The following ZNF813 variants were observed in gnomAD, a reference collection of about 807,000 sequenced individuals.
ZNF813 encodes zinc finger protein 813.
Under a neutral mutation model 7.2 loss-of-function variants are expected in ZNF813, and 3 were observed. The ratio of observed to expected loss-of-function variants is 0.42; its 90% CI spans 0.19 to 1.08. The LOEUF (loss-of-function observed/expected upper bound fraction) is 1.08. Among genes scored for constraint, ZNF813 ranks in the 50% least tolerant of loss-of-function variants. The pLI is 0.30. For missense variants in ZNF813, 714 were observed against 753.3 expected (o/e 0.95, Z 0.61); for synonymous variants, 227 against 256.3 (o/e 0.89, Z 1.09).
At chr19:53,469,737 AAGAAC>A (rs1381434172) in intron 1 of ZNF813, among the ~76,000 whole-genome samples, 1 of 146,856 alleles carries the variant, frequency 6.8e-6, no homozygotes, top group Non-Finnish European at 1.5e-5. Context: ...TGCTGGTGGC[AAGAAC>A]AGAGGGAGAA....
chr19:53,469,892 C>G (rs2617709), intron 1 of ZNF813, among the ~76,000 whole-genome samples: 20 of 151,440 alleles, frequency 1.3e-4, no homozygotes, highest in Admixed American at 2.6e-4. Flanking sequence ...AGAGAGACTG[C>G]TATGGGGGAG....
In ZNF813 at chr19:53,487,605, C is replaced by A. The variant is rs571137119; in HGVS notation, c.142+847C>A. 7.2e-5 allele frequency among the ~76,000 whole-genome samples: 11 copies of A among 151,954 alleles called. No homozygotes were observed. The East Asian group carries it at 2.1e-3, about 29-fold the overall frequency. On this transcript the variant is annotated intron_variant, in intron 3 of 3. Transcript: ENST00000396403. Reference sequence around the variant, plus strand: ...CTGAGGTCAGGAGTTCAAAACCAGTCTGGCTAACATGGCAAAACTCCATCT... The same window carrying A: ...CTGAGGTCAGGAGTTCAAAACCAGTATGGCTAACATGGCAAAACTCCATCT...
In ZNF813 at chr19:53,491,179, G is replaced by A; in HGVS notation, c.947G>A (p.Arg316Lys). The change falls in exon 4 of 4, where the codon AGA (arginine) becomes AAA (lysine). Residue 316 changes from arginine to lysine, a missense_variant. Arg to Lys is a conservative substitution (Grantham distance 26, BLOSUM62 2). Coordinates refer to ENST00000396403, the MANE Select transcript of ZNF813 (RefSeq NM_001004301.4). ...KAFSFKSNLKRHRRIHAGEKP... is the reference protein window; with the variant it reads ...KAFSFKSNLKKHRRIHAGEKP... ...TTCAGTTTCAAATCAAACCTTAAAA[G>A]ACATAGGAGAATTCATGCTGGAGAA... 1 of 1,613,772 alleles carries A rather than the reference G, an allele frequency of 6.2e-7. No homozygotes were observed. The highest frequency in any genetic ancestry group is 2.2e-5 in the East Asian group (1 of 44,876).
chr19:53,489,043 G>T (rs1181457477), intron 3 of ZNF813, among the ~76,000 whole-genome samples: 2 of 151,868 alleles, frequency 1.3e-5, no homozygotes, highest in Non-Finnish European at 2.9e-5. Context: ...TTTCACTGTT[G>T]TTGCCCAGGC....
At chr19:53,485,587 T>TGTATGTCATGATATATAC (rs571848662) in intron 2 of ZNF813, among the ~76,000 whole-genome samples, 52,493 of 139,684 alleles carry the variant, frequency 0.38, 9,245 homozygotes, top group Admixed American at 0.42. Context: ...TGTCATGACA[T>TGTATGTCATGATATATAC]ATGTATGTCA....
In ZNF813 at chr19:53,490,224, T is replaced by G. The variant is rs2086452543; in HGVS notation, c.143-151T>G. On this transcript the variant is annotated intron_variant, in intron 3 of 3. Coordinates refer to ENST00000396403, the MANE Select transcript of ZNF813 (RefSeq NM_001004301.4). ...GAAGCACATGTAATAGCCCTTTATC[T>G]AATAAAGAATCTTACGCTTTTGTGT... 30 of 922,774 alleles carry G rather than the reference T, an allele frequency of 3.3e-5. No homozygotes were observed. The South Asian group carries it at 3.4e-4, about 10-fold the overall frequency. 57.2% of individuals were successfully genotyped at this position (922,774 alleles called of 1,614,324 possible).
At chr19:53,481,040 T>C (rs1244275166) in intron 1 of ZNF813, among the ~76,000 whole-genome samples, 4 of 152,158 alleles carry the variant, frequency 2.6e-5, no homozygotes, top group Non-Finnish European at 5.9e-5. Context: ...TGGTAGGAAG[T>C]GGTGCATCAA....
At chr19:53,489,432 T>C (rs2086448953) in intron 3 of ZNF813, among the ~76,000 whole-genome samples, 1 of 151,952 alleles carries the variant, frequency 6.6e-6, no homozygotes, top group Admixed American at 6.6e-5. Flanking sequence ...TGAAACCCTC[T>C]ATCTACTAAA....
intron 1 of ZNF813, among the ~76,000 whole-genome samples, chr19:53,470,444 T>G (rs2617708): frequency 0.29 from 38,562 of 131,290 alleles, 6,278 homozygotes; most frequent in African/African-American, 0.35. Context: ...CACTATTACT[T>G]GATTATTCAT....
At chr19:53,482,706 C>CTTTTTTTTTTT (rs1568830690) in intron 1 of ZNF813, among the ~76,000 whole-genome samples, 13 of 91,488 alleles carry the variant, frequency 1.4e-4, no homozygotes, top group African/African-American at 4.7e-4. Context: ...ATCAGGAATG[C>CTTTTTTTTTTT]TTTTTGTTTT....
intron 1 of ZNF813, among the ~76,000 whole-genome samples, chr19:53,470,160 T>TCCTTCCTTCCTTCCTTCC (rs146034098): frequency 0.22 from 28,969 of 128,874 alleles, 3,303 homozygotes; most frequent in South Asian, 0.25. Context: ...TTTCTTTCTT[T>TCCTTCCTTCCTTCCTTCC]TTCTTTTCTT....
At chr19:53,469,202 T>C (rs544366413) in intron 1 of ZNF813, among the ~76,000 whole-genome samples, 2 of 152,174 alleles carry the variant, frequency 1.3e-5, no homozygotes, top group African/African-American at 4.8e-5. Context: ...GGGGCTAAAG[T>C]TACGGATTAA....
intron 1 of ZNF813, among the ~76,000 whole-genome samples, chr19:53,475,671 C>T (rs1184829364): frequency 6.6e-6 from 1 of 152,198 alleles, no homozygotes; most frequent in African/African-American, 2.4e-5. Flanking sequence ...TTGCTAGCTT[C>T]CTGTGTTAAC....
chr19:53,482,366 G>T (rs1232906202), intron 1 of ZNF813, among the ~76,000 whole-genome samples: 1 of 152,166 alleles, frequency 6.6e-6, no homozygotes, highest in African/African-American at 2.4e-5. Context: ...CAGGACAAAA[G>T]GCCAACTCCT....
rs144337909 is a variant in ZNF813, at chr19:53,488,708, C to T, written c.143-1667C>T. 2.8e-3 allele frequency among the ~76,000 whole-genome samples: 421 copies of T among 152,052 alleles called. 4 individuals carry two copies. Among genetic ancestry groups the T allele is most frequent in the African/African-American group, 9.7e-3 (402 of 41,478 alleles). ...TGCTGGGATTACAGGCGTGAGCCAC[C>T]GCGCCCAGCCGTTAGTCAATTCTTA... On this transcript the variant is annotated intron_variant, in intron 3 of 3. Transcript: ENST00000396403.
chr19:53,492,093 A>G lies in ZNF813; in HGVS notation c.*7A>G. 1 of 1,606,084 alleles carries G rather than the reference A, an allele frequency of 6.2e-7. No homozygotes were observed. The highest frequency in any genetic ancestry group is 8.5e-7 in the Non-Finnish European group (1 of 1,175,924). ...TGGCAAAGCTTTTAATTGAAAAGCA[A>G]AGCTTGCACATCATCATACAATTCA... On this transcript the variant is annotated 3_prime_UTR_variant, in exon 4 of 4. Coordinates refer to ENST00000396403, the MANE Select transcript of ZNF813 (RefSeq NM_001004301.4).
At chr19:53,488,367 T>C (rs1600114355) in intron 3 of ZNF813, 4 of 375,022 alleles carry the variant, frequency 1.1e-5, no homozygotes, top group Non-Finnish European at 1.6e-5. Context: ...TTATATATAT[T>C]TGTGGGTTGG....
chr19:53,482,712 GTTTTTTTTTT>G (rs869250512), intron 1 of ZNF813, among the ~76,000 whole-genome samples: 4 of 89,090 alleles, frequency 4.5e-5, no homozygotes, highest in African/African-American at 1.4e-4. Flanking sequence ...AATGCTTTTT[GTTTTTTTTTT>G]TTTTTTTTTT....
rs372615123 is a variant in ZNF813 at position 53,495,792 on chromosome 19, CA to C, written c.*3715del. ...GGGCAATAAGAGCAAAACTTTGTCTCAAAAAAAAATAAATAAATAAAAAATA... is the reference window on the plus strand; with the variant it reads ...GGGCAATAAGAGCAAAACTTTGTCTCAAAAAAAATAAATAAATAAAAAATA... On this transcript the variant is annotated 3_prime_UTR_variant, in exon 4 of 4. Coordinates refer to ENST00000396403, the MANE Select transcript of ZNF813 (RefSeq NM_001004301.4). 3.4e-3 allele frequency: 503 copies of C among 149,734 alleles called. 6 individuals carry two copies. The highest frequency in any genetic ancestry group is 0.012 in the African/African-American group (466 of 39,732). The allele number at this position is 149,734 out of a possible 1,614,324, so 9.3% of individuals were successfully genotyped here. A position where few individuals can be genotyped will look rare whatever the true frequency, so the allele number is the denominator to read the frequency against.
Sources: allele counts gnomAD v4.1 joint callset (sites outside exome capture counted in the v4.1 genomes callset), GRCh38; gene constraint gnomAD v4.1.1; transcripts MANE v1.5; gene names NCBI Gene and HGNC (gene_info 2026-07-23, HGNC 2026-07-21).